Variants in PHF21A observed in about 807,000 individuals in gnomAD.
PHF21A encodes BHC80a.
Under a neutral mutation model 82.5 loss-of-function variants are expected in PHF21A, and 11 were observed. That is an observed-to-expected ratio of 0.13 (90% confidence interval 0.08 to 0.22). The LOEUF is 0.22. PHF21A is among the 10% of genes least tolerant of loss of function. PHF21A has a pLI of 1.00. For synonymous variants in PHF21A, 297 were observed against 302.8 expected, an observed-to-expected ratio of 0.98 and a Z score of 0.20; for missense variants, 579 against 837.8, an observed-to-expected ratio of 0.69 and a Z score of 3.81.
chr11:45,980,376 AC>A (rs2094226926), intron 6 of PHF21A, among the ~76,000 whole-genome samples: 1 of 152,170 alleles, frequency 6.6e-6, no homozygotes. Flanking sequence ...TTATGAACCT[AC>A]CTGTGCCTCA....
At chr11:45,978,361 T>TATTATTATTATTATTA (rs1565369387) in intron 7 of PHF21A, among the ~76,000 whole-genome samples, 3 of 152,100 alleles carry the variant, frequency 2.0e-5, no homozygotes, top group African/African-American at 7.2e-5. Context: ...AATAATAACT[T>TATTATTATTATTATTA]CCTCTTAGGA....
intron 6 of PHF21A, among the ~76,000 whole-genome samples, chr11:46,035,368 T>C (rs1358253480): frequency 6.6e-6 from 1 of 152,264 alleles, no homozygotes; most frequent in Admixed American, 6.5e-5. Context: ...AATCTGTTTG[T>C]TCCTTGCCAG....
chr11:46,089,483 A>G (rs2096897674), intron 3 of PHF21A, among the ~76,000 whole-genome samples: 1 of 152,116 alleles, frequency 6.6e-6, no homozygotes, highest in Admixed American at 6.5e-5. Context: ...AATTTTCAAC[A>G]CATCTTGATT....
intron 1 of PHF21A, among the ~76,000 whole-genome samples, chr11:46,111,132 T>C (rs925985266): frequency 6.6e-6 from 1 of 151,356 alleles, no homozygotes; most frequent in African/African-American, 2.4e-5. Context: ...GAGGCTAGTA[T>C]TATTACAGCA....
At chr11:45,971,065 G>T (rs374421429) in intron 8 of PHF21A, 51 bp downstream of exon 8, 7 of 1,596,064 alleles carry the variant, frequency 4.4e-6, no homozygotes, top group Non-Finnish European at 4.3e-6. Context: ...ATACAAATGC[G>T]TATCCTAACC....
chr11:46,078,827 G>A (rs991392466), intron 5 of PHF21A, among the ~76,000 whole-genome samples: 3 of 152,044 alleles, frequency 2.0e-5, no homozygotes, highest in Non-Finnish European at 4.4e-5. Context: ...TTTTGAATAA[G>A]TGGGTTCATG....
At chr11:46,006,745 C>T (rs1360387706) in intron 6 of PHF21A, among the ~76,000 whole-genome samples, 1 of 152,168 alleles carries the variant, frequency 6.6e-6, no homozygotes, top group Non-Finnish European at 1.5e-5. Context: ...GTCTTAAACG[C>T]CTATTAGAAT....
At chr11:45,970,479 T>C (rs1334919377) in intron 8 of PHF21A, 1 of 152,500 alleles carries the variant, frequency 6.6e-6, no homozygotes, top group African/African-American at 2.4e-5. Context: ...ACATCAAAAT[T>C]TAGATATATT....
chr11:46,054,512 G>A (rs1291009093), intron 6 of PHF21A, among the ~76,000 whole-genome samples: 1 of 152,112 alleles, frequency 6.6e-6, no homozygotes, highest in Non-Finnish European at 1.5e-5. Flanking sequence ...CTGGTCTAAG[G>A]TGCAGCCCTG....
chr11:46,069,631 A>G (rs1234255483), intron 6 of PHF21A, among the ~76,000 whole-genome samples: 1 of 152,234 alleles, frequency 6.6e-6, no homozygotes, highest in African/African-American at 2.4e-5. Flanking sequence ...ATTTCAAAAA[A>G]TATTTGATAG....
Position 46,017,129 on chromosome 11 carries a change from C to T in PHF21A, c.154-37163G>A, listed in dbSNP as rs545655370. The stretch of plus-strand genomic sequence containing the variant: ...GGGATTACAGGCATGTGCCACCACA[C>T]CCAGCTAATTTTTGTATTTTTAGCA... On this transcript the variant is annotated intron_variant, in intron 6 of 18. Coordinates refer to ENST00000676320, the MANE Select transcript of PHF21A (RefSeq NM_001352027.3). Among the ~76,000 whole-genome samples, 6 of 152,230 alleles carry T rather than the reference C, an allele frequency of 3.9e-5. No homozygotes were observed. The East Asian group carries it at 7.7e-4, about 20-fold the overall frequency.
At chr11:46,093,816 A>G (rs1430869064) in intron 1 of PHF21A, among the ~76,000 whole-genome samples, 1 of 152,168 alleles carries the variant, frequency 6.6e-6, no homozygotes, top group East Asian at 1.9e-4. Context: ...GCTGGGGATA[A>G]TTTCTTATGC....
intron 7 of PHF21A, among the ~76,000 whole-genome samples, chr11:45,977,017 G>A (rs2094059200): frequency 6.6e-6 from 1 of 152,138 alleles, no homozygotes; most frequent in Non-Finnish European, 1.5e-5. Context: ...ACTGGATGGA[G>A]AGGTGCTATA....
intron 16 of PHF21A, chr11:45,936,878 A>T: frequency 4.0e-6 from 1 of 250,632 alleles, no homozygotes; most frequent in Admixed American, 5.2e-5. Context: ...GACAGCTAGA[A>T]CCACCAACAC....
chr11:45,989,261 A>T (rs2136572861), intron 6 of PHF21A, among the ~76,000 whole-genome samples: 1 of 152,288 alleles, frequency 6.6e-6, no homozygotes. Flanking sequence ...GTTTGTTTTA[A>T]ATCATTAGTA....
intron 6 of PHF21A, among the ~76,000 whole-genome samples, chr11:45,993,765 T>C (rs1387363220): frequency 6.6e-6 from 1 of 150,952 alleles, no homozygotes; most frequent in South Asian, 2.1e-4. Context: ...ACACAATAAA[T>C]TGAAAGGGCC....
At chr11:45,940,425 AC>A in intron 15 of PHF21A, among the ~76,000 whole-genome samples, 1 of 152,094 alleles carries the variant, frequency 6.6e-6, no homozygotes, top group Middle Eastern at 3.4e-3. Flanking sequence ...CGAACTCCTG[AC>A]CTCATGATCT....
chr11:46,051,733 C>T (rs897243281), intron 6 of PHF21A, among the ~76,000 whole-genome samples: 3 of 151,874 alleles, frequency 2.0e-5, no homozygotes, highest in African/African-American at 2.4e-5. Context: ...TCTGCTACCA[C>T]GAAGGAAGAT....
rs2096911483 is a variant in PHF21A at position 46,090,501 on chromosome 11, T to C, written c.-130A>G. 1 of 152,192 alleles carries C rather than the reference T, an allele frequency of 6.6e-6. No individual in the cohort carries two copies. The highest frequency in any genetic ancestry group is 1.5e-5 in the Non-Finnish European group (1 of 68,028). The allele number at this position is 152,192 out of a possible 1,614,324, so 9.4% of individuals were successfully genotyped here. A position where few individuals can be genotyped will look rare whatever the true frequency, so the allele number is the denominator to read the frequency against. On this transcript the variant is annotated 5_prime_UTR_variant, in exon 3 of 19. Transcript: ENST00000676320. ...TGTCATTAGAAGTATTCAAGAATGCTGCATATCATATCCCCCTCTTGGAGA... is the reference window on the plus strand; with the variant it reads ...TGTCATTAGAAGTATTCAAGAATGCCGCATATCATATCCCCCTCTTGGAGA...
Sources: allele counts gnomAD v4.1 joint callset (sites outside exome capture counted in the v4.1 genomes callset), GRCh38; gene constraint gnomAD v4.1.1; transcripts MANE v1.5; gene names NCBI Gene and HGNC (gene_info 2026-07-23, HGNC 2026-07-21).